KLHL12: variants seen among roughly 807,000 people sequenced by gnomAD.
The protein encoded by KLHL12 is kelch like family member 12, also known as kelch-like protein 12.
In KLHL12, 17 loss-of-function variants were observed where a neutral mutation model predicts 60.8. The observed-to-expected ratio is 0.28, with a 90% confidence interval of 0.19 to 0.42. The LOEUF is 0.42. Among genes scored for constraint, KLHL12 ranks in the 10% least tolerant of loss-of-function variants. The probability of loss-of-function intolerance (pLI) is 1.00; values close to 1 mark genes in which losing one functional copy is unlikely to be tolerated. For missense variants in KLHL12, 468 were observed against 722.3 expected (o/e 0.65, Z 4.04); for synonymous variants, 220 against 250.9 (o/e 0.88, Z 1.16).
intron 4 of KLHL12, among the ~76,000 whole-genome samples, chr1:202,913,856 A>C (rs185921723): frequency 6.6e-6 from 1 of 152,356 alleles, no homozygotes; most frequent in Admixed American, 6.5e-5. Context: ...CCGTAATTAA[A>C]ACTAAATTAA....
At position 202,911,098 on chromosome 1, in the gene KLHL12, G is replaced by A. The variant is rs1557994311; in HGVS notation, c.673C>T (p.Pro225Ser). The A allele has an allele frequency of 6.2e-7, 1 of 1,614,070 alleles. No homozygotes were observed. Among genetic ancestry groups the A allele is most frequent in the African/African-American group, 1.3e-5 (1 of 75,022 alleles). Residue 225 changes from proline to serine, a missense_variant, in exon 5 of 12, where the codon CCC becomes TCC. Physicochemically the swap from Pro to Ser is moderately conservative, Grantham distance 74. This residue lies in a region of KLHL12 where 339 missense variants were observed against 525.0 expected (regional missense o/e 0.65). Coordinates refer to ENST00000367261, the MANE Select transcript of KLHL12 (RefSeq NM_021633.4). ...LPNLLQYVRM[P>S]LLTPRYITDV... ...GTGATATACCTGGGGGTTAGTAGGGGCATCCGCACATACTGTAGCAGGTTA... is the reference window on the plus strand; with the variant it reads ...GTGATATACCTGGGGGTTAGTAGGGACATCCGCACATACTGTAGCAGGTTA...
chr1:202,899,510 A>T (rs1327759934), intron 6 of KLHL12, among the ~76,000 whole-genome samples: 1 of 152,078 alleles, frequency 6.6e-6, no homozygotes, highest in Non-Finnish European at 1.5e-5. Context: ...GCCAGCAAGT[A>T]GGTCTCAGGA....
chr1:202,912,192 C>G (rs1408369883), intron 4 of KLHL12: 9 of 941,828 alleles, frequency 9.6e-6, no homozygotes, highest in Non-Finnish European at 1.4e-5. Context: ...ATAATTTGAA[C>G]AGTTTGGAAA....
rs765042033 is a variant in KLHL12, at chr1:202,925,154, G to C, written c.9C>G (p.Gly3=). MG[G]IMAPKDIMTN... ...TCATTATGTCTTTGGGGGCCATAATGCCTCCCATAAAGCAGTGCGGAGAAA... is the reference window on the plus strand; with the variant it reads ...TCATTATGTCTTTGGGGGCCATAATCCCTCCCATAAAGCAGTGCGGAGAAA... The change falls in exon 2 of 12, where the codon GGC becomes GGG. Residue 3 remains glycine (G), a synonymous_variant. Coordinates refer to ENST00000367261, the MANE Select transcript of KLHL12 (RefSeq NM_021633.4). 1.9e-6 allele frequency: 3 copies of C among 1,613,990 alleles called. No homozygotes were observed. The South Asian group carries it at 3.3e-5, about 18-fold the overall frequency.
intron 4 of KLHL12, chr1:202,912,850 G>A: frequency 1.4e-6 from 1 of 693,732 alleles, no homozygotes; most frequent in Non-Finnish European, 2.6e-6. Flanking sequence ...TGCTACAAAG[G>A]AGACATGTTT....
chr1:202,917,783 A>G (rs1232713218), intron 4 of KLHL12, among the ~76,000 whole-genome samples: 1 of 152,200 alleles, frequency 6.6e-6, no homozygotes, highest in Non-Finnish European at 1.5e-5. Flanking sequence ...TCTGAAAGCA[A>G]GAACTATATT....
At position 202,894,667 on chromosome 1, in the gene KLHL12, C is replaced by A; in HGVS notation, c.1218G>T (p.Trp406Cys). ...CTGTCTGCATATCTCCCAGCATGCTCCACTGGTCAATGTTTGGATCATAGC... is the reference window on the plus strand; with the variant it reads ...CTGTCTGCATATCTCCCAGCATGCTACACTGGTCAATGTTTGGATCATAGC... ...MERYDPNIDQWSMLGDMQTAR... is the reference protein window; with the variant it reads ...MERYDPNIDQCSMLGDMQTAR... The change falls in exon 9 of 12, where the codon TGG (tryptophan) becomes TGT (cysteine). Residue 406 changes from tryptophan (W) to cysteine (C), a missense_variant. This residue lies in a region of KLHL12 where 339 missense variants were observed against 525.0 expected (regional missense o/e 0.65). Transcript: ENST00000367261. 1 of 1,614,140 alleles carries A rather than the reference C, an allele frequency of 6.2e-7. No individual in the cohort carries two copies. The highest frequency in any genetic ancestry group is 8.5e-7 in the Non-Finnish European group (1 of 1,180,004).
intron 6 of KLHL12, among the ~76,000 whole-genome samples, chr1:202,906,201 C>T (rs1482720835): frequency 2.7e-5 from 4 of 147,996 alleles, no homozygotes. Flanking sequence ...GCCCGTAATC[C>T]CAGCACTTTA....
Position 202,911,147 on chromosome 1 carries a change from C to T in KLHL12, c.624G>A (p.Lys208=). 1.2e-6 allele frequency: 2 copies of T among 1,614,156 alleles called. No homozygotes were observed. ...TAGGCAAGGATTCTTCCCGCTCTTTCTTGGCATGCTTCACCCAGTTGATGA... is the reference window on the plus strand; with the variant it reads ...TAGGCAAGGATTCTTCCCGCTCTTTTTTGGCATGCTTCACCCAGTTGATGA... ...EAVINWVKHA[K]KEREESLPNL... is the part of the protein sequence containing the mutation. Residue 208 remains lysine, a synonymous_variant, in exon 5 of 12, where the codon AAG becomes AAA. Coordinates refer to ENST00000367261, the MANE Select transcript of KLHL12 (RefSeq NM_021633.4).
At chr1:202,912,646 GC>G in intron 4 of KLHL12, 1 of 1,316,820 alleles carries the variant, frequency 7.6e-7, no homozygotes, top group Non-Finnish European at 1.1e-6. Context: ...GGCGGTGGAG[GC>G]CAATACTCTG....
At chr1:202,920,495 G>GCCTC (rs1486638320) in intron 2 of KLHL12, among the ~76,000 whole-genome samples, 1 of 143,166 alleles carries the variant, frequency 7.0e-6, no homozygotes, top group Non-Finnish European at 1.5e-5. Context: ...TCCTGGCTCA[G>GCCTC]CCTCCCGAGT....
chr1:202,892,276 G>A lies in KLHL12; in HGVS notation c.*257C>T. ...TGACAGGAAAGTGCTCCCCAAAGCA[G>A]TGGGAGAGGCAATGTGGTCTCTCAC... On this transcript the variant is annotated 3_prime_UTR_variant, in exon 12 of 12. Coordinates refer to ENST00000367261, the MANE Select transcript of KLHL12 (RefSeq NM_021633.4). 1 of 433,732 alleles carries A rather than the reference G, an allele frequency of 2.3e-6. No homozygotes were observed. The highest frequency in any genetic ancestry group is 4.2e-6 in the Non-Finnish European group (1 of 237,790). The allele number at this position is 433,732 out of a possible 1,614,324, so 26.9% of individuals were successfully genotyped here. A position where few individuals can be genotyped will look rare whatever the true frequency, so the allele number is the denominator to read the frequency against.
chr1:202,904,412 C>T (rs1660120728), intron 6 of KLHL12, among the ~76,000 whole-genome samples: 1 of 152,116 alleles, frequency 6.6e-6, no homozygotes, highest in South Asian at 2.1e-4. Context: ...TTTGTCATTT[C>T]TTCCACTATT....
Position 202,912,865 on chromosome 1 carries a change from C to T in KLHL12, c.568-1662G>A, listed in dbSNP as rs185738739. On this transcript the variant is annotated intron_variant, in intron 4 of 11. Coordinates refer to ENST00000367261, the MANE Select transcript of KLHL12 (RefSeq NM_021633.4). ...TGCTACAAAGGAGACATGTTTTAGA[C>T]AAATACTCATGTGTATGGGCAAAAA... 22 of 678,492 alleles carry T rather than the reference C, an allele frequency of 3.2e-5. No individual in the cohort carries two copies. In the Admixed American group the frequency reaches 3.7e-4, roughly 11 times the overall value. 42.0% of individuals were successfully genotyped at this position (678,492 alleles called of 1,614,324 possible). A position where few individuals can be genotyped will look rare whatever the true frequency, so the allele number is the denominator to read the frequency against.
chr1:202,917,519 T>C (rs1246187963), intron 4 of KLHL12, among the ~76,000 whole-genome samples: 1 of 152,238 alleles, frequency 6.6e-6, no homozygotes, highest in Non-Finnish European at 1.5e-5. Context: ...CTACTATTCC[T>C]TTAACATCCA....
Position 202,895,586 on chromosome 1 carries a change from C to A in KLHL12, c.1071G>T (p.Gly357=). The part of the protein sequence containing the change: ...ECLDYTADED[G]VWYSVAPMNV... The stretch of plus-strand genomic sequence containing the variant: ...TCATAGGGGCCACAGAATACCAGAC[C>A]CCATCCTCATCTGCTGTGTAGTCTA... The change falls in exon 8 of 12, where the codon GGG becomes GGT. Residue 357 remains glycine, a synonymous_variant. Transcript: ENST00000367261. The surrounding 1 kb of genome is among the most constrained non-coding windows in gnomAD (Gnocchi z 4.2). 6.2e-7 allele frequency: 1 copy of A among 1,614,108 alleles called. No homozygotes were observed. The highest frequency in any genetic ancestry group is 8.5e-7 in the Non-Finnish European group (1 of 1,180,004).
intron 1 of KLHL12, 49 bp downstream of exon 1, chr1:202,927,040 G>A (rs1653604509): frequency 1.0e-6 from 1 of 983,688 alleles, no homozygotes; most frequent in Non-Finnish European, 1.2e-6. Context: ...ACCCGGAGTT[G>A]ACGGACAGGA....
At chr1:202,911,822 C>T in intron 4 of KLHL12, 1 of 753,298 alleles carries the variant, frequency 1.3e-6, no homozygotes, top group Admixed American at 2.1e-5. Context: ...ATGTCTAAGT[C>T]AGAGTCTCCT....
rs1158515737 is a variant in KLHL12, at chr1:202,918,225, G to C, written c.513C>G (p.Phe171Leu). 1 of 1,614,134 alleles carries C rather than the reference G, an allele frequency of 6.2e-7. No individual in the cohort carries two copies. Among genetic ancestry groups the C allele is most frequent in the South Asian group, 1.1e-5 (1 of 91,072 alleles). ...CCACCTCTCCTTGACTCAGAAGAAT[G>C]AACTCTTCATGCTGTACCACTTCAG... The part of the protein sequence containing the change: ...HFPEVVQHEE[F>L]ILLSQGEVEK... The change falls in exon 4 of 12, where the codon TTC becomes TTG. Residue 171 changes from phenylalanine (F) to leucine (L), a missense_variant. This residue lies in a region of KLHL12 where 339 missense variants were observed against 525.0 expected (regional missense o/e 0.65). Coordinates refer to ENST00000367261, the MANE Select transcript of KLHL12 (RefSeq NM_021633.4).
Sources: allele counts gnomAD v4.1 joint callset (sites outside exome capture counted in the v4.1 genomes callset), GRCh38; gene constraint gnomAD v4.1.1; regional missense constraint gnomAD v4.1.1; non-coding constraint Gnocchi (gnomAD v3.1); transcripts MANE v1.5; gene names NCBI Gene and HGNC (gene_info 2026-07-23, HGNC 2026-07-21).